GSTCD: variants seen among roughly 807,000 people sequenced by gnomAD.
GSTCD encodes glutathione S-transferase C-terminal domain-containing protein.
A neutral mutation model predicts 68.3 loss-of-function variants in GSTCD; 44 were observed. The ratio of observed to expected loss-of-function variants is 0.64; its 90% confidence interval spans 0.51 to 0.83. GSTCD has a LOEUF of 0.83. Ranked by LOEUF, GSTCD falls within the 40% of genes least tolerant of loss-of-function variation. The probability of loss-of-function intolerance (pLI) is 0.00; values close to 1 mark genes in which losing one functional copy is unlikely to be tolerated. For missense variants in GSTCD, 739 were observed against 735.9 expected (o/e 1.00, Z -0.05); for synonymous variants, 273 against 255.2 (o/e 1.07, Z -0.67).
intron 5 of GSTCD, chr4:105,760,996 ATTTTTTTT>A (rs35581423): frequency 7.2e-4 from 126 of 174,924 alleles, no homozygotes; most frequent in Middle Eastern, 2.5e-3. Context: ...TCCTTTTTTA[ATTTTTTTT>A]TTTTTTTTTT....
At chr4:105,719,553 A>G (rs1197002052) in intron 3 of GSTCD, 26 bp downstream of exon 3, 1 of 1,513,422 alleles carries the variant, frequency 6.6e-7, no homozygotes, top group Non-Finnish European at 9.2e-7. Flanking sequence ...GACTGTACAC[A>G]TTACTATGAG....
chr4:105,840,855 C>G (rs566323641), intron 10 of GSTCD, among the ~76,000 whole-genome samples: 1 of 152,274 alleles, frequency 6.6e-6, no homozygotes, highest in South Asian at 2.1e-4. Flanking sequence ...TTCCTGCAGC[C>G]TTTTGGAGTG....
At chr4:105,743,503 A>G (rs1218263353) in intron 5 of GSTCD, among the ~76,000 whole-genome samples, 2 of 152,006 alleles carry the variant, frequency 1.3e-5, no homozygotes, top group East Asian at 3.9e-4. Context: ...CAAAGGCTGA[A>G]ATAATTGAGA....
At chr4:105,753,258 A>C (rs1276775626) in intron 5 of GSTCD, 1 of 152,052 alleles carries the variant, frequency 6.6e-6, no homozygotes, top group Non-Finnish European at 1.5e-5. Flanking sequence ...TACTGTTGAG[A>C]GTCATCCAGA....
chr4:105,762,769 A>G (rs1407579937), intron 5 of GSTCD, among the ~76,000 whole-genome samples: 1 of 152,188 alleles, frequency 6.6e-6, no homozygotes, highest in Non-Finnish European at 1.5e-5. Flanking sequence ...ATTTCCCTGA[A>G]TAGTTTTATT....
chr4:105,717,828 A>C lies in GSTCD; in HGVS notation c.215A>C (p.Glu72Ala), dbSNP rs754566924. The change falls in exon 2 of 12, where the codon GAA becomes GCA. Residue 72 changes from glutamate (E) to alanine (A), a missense_variant. Glu to Ala is a moderately radical substitution (Grantham distance 107). Transcript: ENST00000515279. ...LLRDDLIQDVEIQIISRQELP... is the reference protein window; with the variant it reads ...LLRDDLIQDVAIQIISRQELP... The stretch of plus-strand genomic sequence containing the variant: ...AGAGATGACCTGATCCAGGATGTTG[A>C]AATACAGATTATTTCAAGGCAGGAG... 1.9e-6 allele frequency: 3 copies of C among 1,614,074 alleles called. No homozygotes were observed. In the South Asian group the frequency reaches 3.3e-5, roughly 18 times the overall value.
At chr4:105,822,564 G>A (rs1156799480) in intron 5 of GSTCD, among the ~76,000 whole-genome samples, 1 of 152,036 alleles carries the variant, frequency 6.6e-6, no homozygotes. Flanking sequence ...AAAAGATAAA[G>A]GGAGAAGACA....
chr4:105,711,040 G>A (rs1732519454), intron 1 of GSTCD: 1 of 151,976 alleles, frequency 6.6e-6, no homozygotes, highest in Non-Finnish European at 1.5e-5. Flanking sequence ...AAATATTTAA[G>A]GTAATTGGCT....
In GSTCD at chr4:105,769,230, C is replaced by T. The variant is rs955773634; in HGVS notation, c.1240+39731C>T. Among the ~76,000 whole-genome samples the T allele has an allele frequency of 9.2e-4, 42 of 45,728 alleles. No homozygotes were observed. The Admixed American group carries it at 0.012, about 13-fold the overall frequency. The allele number at this position is 45,728 out of a possible 152,430, so 30.0% of individuals were successfully genotyped here. A position where few individuals can be genotyped will look rare whatever the true frequency, so the allele number is the denominator to read the frequency against. The stretch of plus-strand genomic sequence containing the variant: ...TATTTTTAAAAATATACTATACACG[C>T]GCGCACACACACACACACACACACA... On this transcript the variant is annotated intron_variant, in intron 5 of 11. Coordinates refer to ENST00000515279, the MANE Select transcript of GSTCD (RefSeq NM_001370181.1).
intron 5 of GSTCD, among the ~76,000 whole-genome samples, chr4:105,734,273 G>T (rs994424537): frequency 3.9e-5 from 6 of 152,192 alleles, no homozygotes; most frequent in Admixed American, 3.9e-4. Context: ...ATAATATCCT[G>T]CAGCGTGTTT....
intron 5 of GSTCD, among the ~76,000 whole-genome samples, chr4:105,779,382 C>A (rs893974391): frequency 6.6e-6 from 1 of 152,108 alleles, no homozygotes; most frequent in South Asian, 2.1e-4. Context: ...TGCATCATGT[C>A]AGGAGGACAA....
At chr4:105,783,297 C>T (rs2149250728) in intron 5 of GSTCD, among the ~76,000 whole-genome samples, 1 of 152,182 alleles carries the variant, frequency 6.6e-6, no homozygotes, top group African/African-American at 2.4e-5. Context: ...AGGATCTTTT[C>T]ATTTTACAAA....
chr4:105,727,055 A>C (rs948723064), intron 4 of GSTCD, among the ~76,000 whole-genome samples: 10 of 150,720 alleles, frequency 6.6e-5, no homozygotes, highest in Admixed American at 2.0e-4. Context: ...AGTAAGTCAC[A>C]ATATATACTT....
rs1033226256 is a variant in GSTCD at position 105,847,712 on chromosome 4, G to A, written c.*2135G>A. The A allele has an allele frequency of 6.6e-5, 10 of 151,878 alleles. No individual in the cohort carries two copies. The highest frequency in any genetic ancestry group is 2.1e-4 in the South Asian group (1 of 4,798). 9.4% of individuals were successfully genotyped at this position (151,878 alleles called of 1,614,324 possible). On this transcript the variant is annotated 3_prime_UTR_variant, in exon 12 of 12. Coordinates refer to ENST00000515279, the MANE Select transcript of GSTCD (RefSeq NM_001370181.1). ...CTGTGTTCTTTCTAATAAATTTTAC[G>A]AACTCTGAGGTTATAAGATTTCTCC... is the stretch of plus-strand genomic sequence containing the variant.
chr4:105,824,416 T>C (rs1723481452), intron 7 of GSTCD, among the ~76,000 whole-genome samples: 1 of 152,116 alleles, frequency 6.6e-6, no homozygotes. Flanking sequence ...TTTCTGGAAG[T>C]TTAGAAAGGT....
At chr4:105,761,059 A>C (rs575991333) in intron 5 of GSTCD, 1 of 234,288 alleles carries the variant, frequency 4.3e-6, no homozygotes, top group South Asian at 3.9e-5. Flanking sequence ...GCTGGAATGC[A>C]GTGGTGTAGT....
chr4:105,786,192 G>T, intron 5 of GSTCD, among the ~76,000 whole-genome samples: 1 of 150,990 alleles, frequency 6.6e-6, no homozygotes, highest in South Asian at 2.1e-4. Flanking sequence ...AATAAAAAAT[G>T]TAAATTGGAC....
intron 5 of GSTCD, among the ~76,000 whole-genome samples, chr4:105,779,161 A>G (rs1408174569): frequency 6.6e-6 from 1 of 152,172 alleles, no homozygotes; most frequent in Non-Finnish European, 1.5e-5. Context: ...TATGTTTTAC[A>G]TGTAGTTGTC....
chr4:105,724,151 A>G (rs545144565), intron 3 of GSTCD, among the ~76,000 whole-genome samples: 96 of 151,926 alleles, frequency 6.3e-4, no homozygotes, highest in Middle Eastern at 3.4e-3. Flanking sequence ...TAAAGGTCAT[A>G]ATCTGTTCAT....
Sources: allele counts gnomAD v4.1 joint callset (sites outside exome capture counted in the v4.1 genomes callset), GRCh38; gene constraint gnomAD v4.1.1; transcripts MANE v1.5; gene names NCBI Gene and HGNC (gene_info 2026-07-23, HGNC 2026-07-21).